NCAM2: variants seen among roughly 807,000 people sequenced by gnomAD.
The protein encoded by NCAM2 is N-CAM-2.
Under a neutral mutation model 98.1 loss-of-function variants are expected in NCAM2, and 30 were observed. The ratio of observed to expected loss-of-function variants is 0.31; its 90% CI spans 0.23 to 0.41. The LOEUF is 0.41. Ranked by LOEUF, NCAM2 falls within the 10% of genes least tolerant of loss-of-function variation. NCAM2 has a pLI of 1.00. For synonymous variants in NCAM2, 368 were observed against 342.4 expected (o/e 1.07, Z -0.83); for missense variants, 867 against 1,005.8 (o/e 0.86, Z 1.87).
At chr21:21,174,761 A>AT (rs2068229444) in intron 1 of NCAM2, among the ~76,000 whole-genome samples, 1 of 152,142 alleles carries the variant, frequency 6.6e-6, no homozygotes, top group Non-Finnish European at 1.5e-5. Context: ...AATACCAATA[A>AT]TACAATTACA....
chr21:21,422,235 C>G (rs943873211), intron 11 of NCAM2, among the ~76,000 whole-genome samples: 1 of 152,176 alleles, frequency 6.6e-6, no homozygotes, highest in African/African-American at 2.4e-5. Context: ...ACTGCATGTT[C>G]TCACTTGTAA....
intron 15 of NCAM2, among the ~76,000 whole-genome samples, chr21:21,494,247 A>C (rs1475812273): frequency 6.6e-6 from 1 of 151,938 alleles, no homozygotes; most frequent in Non-Finnish European, 1.5e-5. Flanking sequence ...ATTATAAAAT[A>C]TGAACTGAAG....
chr21:21,377,625 T>A (rs1044659933), intron 9 of NCAM2, among the ~76,000 whole-genome samples: 1 of 151,944 alleles, frequency 6.6e-6, no homozygotes, highest in Non-Finnish European at 1.5e-5. Context: ...TTTTGTTATA[T>A]GTATATAGTG....
At chr21:21,125,164 A>G (rs933590819) in intron 1 of NCAM2, among the ~76,000 whole-genome samples, 1 of 151,740 alleles carries the variant, frequency 6.6e-6, no homozygotes, top group South Asian at 2.1e-4. Context: ...TGAATACCAC[A>G]TTCAGTAATG....
Position 21,052,826 on chromosome 21 carries a change from G to A in NCAM2, c.55+54208G>A, listed in dbSNP as rs2065138891. ...TATTTACTCTCTTTTTTTCCAAAGTGAAAATAGAAGTAGATAATATTCAAC... is the reference window on the plus strand; with the variant it reads ...TATTTACTCTCTTTTTTTCCAAAGTAAAAATAGAAGTAGATAATATTCAAC... On this transcript the variant is annotated intron_variant, in intron 1 of 17. Transcript: ENST00000400546. Among the ~76,000 whole-genome samples, 2 of 152,036 alleles carry A rather than the reference G, an allele frequency of 1.3e-5. 1 individual carries two copies. The highest frequency in any genetic ancestry group is 4.1e-4 in the South Asian group (2 of 4,824).
intron 1 of NCAM2, among the ~76,000 whole-genome samples, chr21:21,218,311 G>T (rs955906354): frequency 6.6e-6 from 1 of 152,030 alleles, no homozygotes; most frequent in Non-Finnish European, 1.5e-5. Context: ...AAGAGAATTA[G>T]CTCTCACTTT....
At chr21:21,523,839 C>A (rs233799) in intron 16 of NCAM2, among the ~76,000 whole-genome samples, 106,562 of 151,744 alleles carry the variant, frequency 0.7, 37,934 homozygotes, top group East Asian at 0.92. Context: ...CAATTGAAAT[C>A]GCCAAAGACA....
chr21:21,400,769 T>C (rs1355220843), intron 9 of NCAM2, among the ~76,000 whole-genome samples: 1 of 152,070 alleles, frequency 6.6e-6, no homozygotes, highest in African/African-American at 2.4e-5. Context: ...ATGCCTGCAT[T>C]TGTATGTAGT....
chr21:21,164,518 T>C (rs1352268513), intron 1 of NCAM2, among the ~76,000 whole-genome samples: 1 of 152,150 alleles, frequency 6.6e-6, no homozygotes, highest in African/African-American at 2.4e-5. Flanking sequence ...TTTGGTCAGA[T>C]GACAGAAGTT....
rs115622719 is a variant in NCAM2, at chr21:21,062,480, G to A, written c.55+63862G>A. On this transcript the variant is annotated intron_variant, in intron 1 of 17. Transcript: ENST00000400546. ...TGAGTTACACATTCAGCAAATGTTGGGCATCTATTCAGAGCCATGTGTTAG... is the reference window on the plus strand; with the variant it reads ...TGAGTTACACATTCAGCAAATGTTGAGCATCTATTCAGAGCCATGTGTTAG... Among the ~76,000 whole-genome samples the A allele has an allele frequency of 7.4e-3, 1,131 of 152,130 alleles. 10 individuals carry two copies. The highest frequency in any genetic ancestry group is 0.025 in the African/African-American group (1,031 of 41,512).
intron 1 of NCAM2, among the ~76,000 whole-genome samples, chr21:21,119,159 C>G (rs924166254): frequency 6.6e-6 from 1 of 152,084 alleles, no homozygotes; most frequent in Non-Finnish European, 1.5e-5. Context: ...GATAATTAGG[C>G]ATTTTCTTTT....
intron 9 of NCAM2, among the ~76,000 whole-genome samples, chr21:21,391,227 T>C (rs1022573911): frequency 6.6e-6 from 1 of 152,084 alleles, no homozygotes. Context: ...TAATATTTAT[T>C]GTACAACACT....
At chr21:21,058,571 C>G (rs1170058798) in intron 1 of NCAM2, among the ~76,000 whole-genome samples, 1 of 151,922 alleles carries the variant, frequency 6.6e-6, no homozygotes, top group Non-Finnish European at 1.5e-5. Flanking sequence ...ATTTTATTTA[C>G]CTGTGTAAAC....
At chr21:21,324,607 T>G in intron 6 of NCAM2, 107 bp downstream of exon 6, 1 of 832,898 alleles carries the variant, frequency 1.2e-6, no homozygotes, top group South Asian at 2.0e-5. Context: ...TGCATTTTAG[T>G]TTCATTAAAA....
intron 5 of NCAM2, 78 bp downstream of exon 5, chr21:21,292,319 T>A: frequency 7.1e-7 from 1 of 1,407,634 alleles, no homozygotes; most frequent in Non-Finnish European, 9.7e-7. Flanking sequence ...CCATGTGAAC[T>A]CAAAATACAA....
At chr21:21,315,674 C>A (rs1397576448) in intron 5 of NCAM2, among the ~76,000 whole-genome samples, 3 of 152,148 alleles carry the variant, frequency 2.0e-5, no homozygotes, top group African/African-American at 7.2e-5. Flanking sequence ...ATTTCTAGAG[C>A]AGTGTTGATG....
At chr21:21,013,035 GAC>G (rs1256344742) in intron 1 of NCAM2, among the ~76,000 whole-genome samples, 1 of 152,042 alleles carries the variant, frequency 6.6e-6, no homozygotes. Context: ...CATTCCCTGA[GAC>G]ACAACAATAT....
chr21:21,385,021 T>G (rs2076235441), intron 9 of NCAM2, among the ~76,000 whole-genome samples: 1 of 144,898 alleles, frequency 6.9e-6, no homozygotes, highest in African/African-American at 2.8e-5. Context: ...TTGAAACTTG[T>G]TTTTTTTTAC....
At chr21:21,034,702 AG>A (rs2064762390) in intron 1 of NCAM2, among the ~76,000 whole-genome samples, 2 of 152,212 alleles carry the variant, frequency 1.3e-5, no homozygotes, top group African/African-American at 2.4e-5. Context: ...AACAATGGAT[AG>A]GGCTAGAATC....
Sources: allele counts gnomAD v4.1 joint callset (sites outside exome capture counted in the v4.1 genomes callset), GRCh38; gene constraint gnomAD v4.1.1; transcripts MANE v1.5; gene names NCBI Gene and HGNC (gene_info 2026-07-23, HGNC 2026-07-21).